Variants in MPHOSPH6 observed in about 807,000 individuals in gnomAD.
MPHOSPH6 encodes the protein M-phase phosphoprotein 6.
In MPHOSPH6, 25 loss-of-function variants were observed where a neutral mutation model predicts 21.8. The observed-to-expected ratio is 1.15, with a 90% CI of 0.83 to 1.60. The LOEUF (loss-of-function observed/expected upper bound fraction) is 1.60, where lower values mean the gene tolerates loss of function less well. Among genes scored for constraint, MPHOSPH6 ranks in the 40% most tolerant of loss-of-function variants. MPHOSPH6 has a pLI of 0.00. For missense variants in MPHOSPH6, 269 were observed against 181.8 expected (o/e 1.48, Z -2.76); for synonymous variants, 84 against 56.5 (o/e 1.49, Z -2.18).
intron 1 of MPHOSPH6, among the ~76,000 whole-genome samples, chr16:82,166,429 T>A (rs1906782405): frequency 6.6e-6 from 1 of 152,204 alleles, no homozygotes; most frequent in African/African-American, 2.4e-5. Context: ...ACAGTGTGTG[T>A]CCTTTGGTAA....
intron 2 of MPHOSPH6, among the ~76,000 whole-genome samples, chr16:82,158,773 T>C (rs1476099364): frequency 1.3e-5 from 2 of 152,340 alleles, no homozygotes; most frequent in African/African-American, 4.8e-5. Flanking sequence ...TTATCTGTCA[T>C]CTTGGGCTTG....
At chr16:82,165,779 T>C (rs1011115056) in intron 1 of MPHOSPH6, among the ~76,000 whole-genome samples, 1 of 27,578 alleles carries the variant, frequency 3.6e-5, no homozygotes, top group South Asian at 1.2e-3. Context: ...TGGTAGGCTA[T>C]ACCATCCAGG....
chr16:82,150,671 G>C (rs573096399), intron 3 of MPHOSPH6, among the ~76,000 whole-genome samples: 1 of 152,286 alleles, frequency 6.6e-6, no homozygotes, highest in South Asian at 2.1e-4. Context: ...ATATTTAGTT[G>C]GTAGAGAACA....
chr16:82,169,637 G>A (rs1258554353), intron 1 of MPHOSPH6, among the ~76,000 whole-genome samples: 1 of 152,140 alleles, frequency 6.6e-6, no homozygotes, highest in Non-Finnish European at 1.5e-5. Flanking sequence ...TCTACTAAAA[G>A]AAGTATTATC....
intron 2 of MPHOSPH6, among the ~76,000 whole-genome samples, chr16:82,154,872 A>T (rs537786559): frequency 6.6e-6 from 1 of 152,208 alleles, no homozygotes; most frequent in Non-Finnish European, 1.5e-5. Context: ...AGGAGGTAGG[A>T]ACACTTTCCA....
At chr16:82,168,300 A>T (rs1306860668) in intron 1 of MPHOSPH6, among the ~76,000 whole-genome samples, 2 of 152,176 alleles carry the variant, frequency 1.3e-5, no homozygotes, top group African/African-American at 4.8e-5. Context: ...TACCAACCAT[A>T]AAATCAAACT....
chr16:82,149,484 G>GA (rs1275958791), intron 3 of MPHOSPH6, 81 bp from the exon 4 acceptor site: 1 of 1,180,482 alleles, frequency 8.5e-7, no homozygotes, highest in Non-Finnish European at 1.3e-6. Flanking sequence ...TGAAGGCAGA[G>GA]AAACTGAAGT....
At chr16:82,150,286 T>A (rs573059629) in intron 3 of MPHOSPH6, among the ~76,000 whole-genome samples, 1 of 152,092 alleles carries the variant, frequency 6.6e-6, no homozygotes, top group Non-Finnish European at 1.5e-5. Context: ...ATCCAAACCC[T>A]ACTCTTTGAA....
Position 82,148,609 on chromosome 16 carries a change from G to T in MPHOSPH6, c.*122C>A. On this transcript the variant is annotated 3_prime_UTR_variant, in exon 5 of 5. Transcript: ENST00000258169. ...TTCAAAAACAGCATGTTTCTAAAAT[G>T]ATAATCTCTTTACAAGTAAACGTTA... 3 of 1,220,622 alleles carry T rather than the reference G, an allele frequency of 2.5e-6. No individual in the cohort carries two copies. Among genetic ancestry groups the T allele is most frequent in the Non-Finnish European group, 3.3e-6 (3 of 902,834 alleles). 75.6% of individuals were successfully genotyped at this position (1,220,622 alleles called of 1,614,324 possible).
At chr16:82,153,428 C>G (rs1906330972) in intron 2 of MPHOSPH6, among the ~76,000 whole-genome samples, 1 of 152,204 alleles carries the variant, frequency 6.6e-6, no homozygotes, top group South Asian at 2.1e-4. Context: ...GAATGCGGAG[C>G]TTTCTGCCTG....
intron 1 of MPHOSPH6, among the ~76,000 whole-genome samples, chr16:82,167,046 C>G (rs961710794): frequency 6.6e-6 from 1 of 152,172 alleles, no homozygotes; most frequent in African/African-American, 2.4e-5. Flanking sequence ...TAAAGTTTTA[C>G]TGGTACACAA....
chr16:82,164,049 A>G (rs763615668), intron 2 of MPHOSPH6, 33 bp downstream of exon 2: 2 of 1,420,894 alleles, frequency 1.4e-6, no homozygotes, highest in South Asian at 1.2e-5. Context: ...TGAATGCCAC[A>G]AGCATCATCA....
At chr16:82,162,874 A>C (rs1300795962) in intron 2 of MPHOSPH6, among the ~76,000 whole-genome samples, 1 of 152,220 alleles carries the variant, frequency 6.6e-6, no homozygotes, top group East Asian at 1.9e-4. Context: ...AAAATACTGG[A>C]AACAAGATAG....
chr16:82,153,845 G>C (rs1906345329), intron 2 of MPHOSPH6, among the ~76,000 whole-genome samples: 1 of 152,144 alleles, frequency 6.6e-6, no homozygotes, highest in African/African-American at 2.4e-5. Context: ...CTACAGTTCT[G>C]TACAAAATCC....
chr16:82,150,643 G>A (rs1906235125), intron 3 of MPHOSPH6, among the ~76,000 whole-genome samples: 2 of 152,146 alleles, frequency 1.3e-5, no homozygotes, highest in Non-Finnish European at 2.9e-5. Flanking sequence ...AGGAGGGTGG[G>A]GTGTGTGTGT....
intron 2 of MPHOSPH6, among the ~76,000 whole-genome samples, chr16:82,159,489 C>T (rs1286865682): frequency 6.6e-6 from 1 of 152,082 alleles, no homozygotes; most frequent in Non-Finnish European, 1.5e-5. Flanking sequence ...AATGCAACCT[C>T]CGCCTCCTGG....
intron 2 of MPHOSPH6, among the ~76,000 whole-genome samples, chr16:82,159,114 T>C (rs1294920679): frequency 6.6e-6 from 1 of 152,204 alleles, no homozygotes; most frequent in Non-Finnish European, 1.5e-5. Context: ...TTCAACTGTA[T>C]CACCTGTGTG....
intron 2 of MPHOSPH6, among the ~76,000 whole-genome samples, 161 bp from the exon 3 acceptor site, chr16:82,151,675 T>G (rs1385962159): frequency 1.3e-5 from 2 of 152,228 alleles, no homozygotes; most frequent in Non-Finnish European, 2.9e-5. Flanking sequence ...ATCTGATTAA[T>G]TTGGTCAGCA....
At chr16:82,158,585 A>G (rs1906507947) in intron 2 of MPHOSPH6, among the ~76,000 whole-genome samples, 1 of 151,926 alleles carries the variant, frequency 6.6e-6, no homozygotes, top group African/African-American at 2.4e-5. Flanking sequence ...GAGATGAATT[A>G]GACACTTTTT....
Sources: gnomAD v4.1 joint callset for allele counts (sites outside exome capture counted in the v4.1 genomes callset) on GRCh38, gnomAD v4.1.1 for gene constraint, MANE v1.5 for transcripts, NCBI Gene and HGNC (gene_info 2026-07-23, HGNC 2026-07-21) for gene names.